HIVEP3: variants seen among roughly 807,000 people sequenced by gnomAD.
The protein encoded by HIVEP3 is transcription factor HIVEP3.
HIVEP3 carries 49 observed loss-of-function variants against 152.8 expected under a neutral mutation model. That is an observed-to-expected ratio of 0.32 (90% CI 0.26 to 0.41). The LOEUF (loss-of-function observed/expected upper bound fraction) is 0.41. Ranked by LOEUF, HIVEP3 falls within the 10% of genes least tolerant of loss-of-function variation. The pLI, the probability that HIVEP3 is intolerant of heterozygous loss-of-function variation, is 1.00. For synonymous variants in HIVEP3, 1,269 were observed against 1,289.0 expected, an observed-to-expected ratio of 0.98 and a Z score of 0.33; for missense variants, 2,790 against 3,103.3, an observed-to-expected ratio of 0.90 and a Z score of 2.40.
intron 1 of HIVEP3, among the ~76,000 whole-genome samples, chr1:41,868,478 C>A (rs1041669960): frequency 7.2e-5 from 11 of 152,200 alleles, no homozygotes; most frequent in Admixed American, 7.2e-4. Context: ...CCAGATGAAC[C>A]GATAAGACAC....
At chr1:41,563,830 C>G (rs1448589466) in intron 5 of HIVEP3, among the ~76,000 whole-genome samples, 1 of 152,044 alleles carries the variant, frequency 6.6e-6, no homozygotes, top group Non-Finnish European at 1.5e-5. Context: ...ACGTTAATAG[C>G]CTTAGAGAGA....
intron 1 of HIVEP3, among the ~76,000 whole-genome samples, chr1:42,000,340 T>C (rs1263552558): frequency 2.6e-5 from 4 of 152,198 alleles, no homozygotes; most frequent in Non-Finnish European, 5.9e-5. Flanking sequence ...GTAGCCCAGA[T>C]TGGACAAATT....
chr1:41,949,956 CTCAACAGGGTTTTCCTGT>C (rs1436618334), intron 1 of HIVEP3, among the ~76,000 whole-genome samples: 3 of 152,144 alleles, frequency 2.0e-5, no homozygotes. Flanking sequence ...CGGCCAACCT[CTCAACAGGGTTTTCCTGT>C]TGAGAGAGGG....
At chr1:41,711,885 G>C (rs1033502491) in intron 1 of HIVEP3, among the ~76,000 whole-genome samples, 1 of 152,346 alleles carries the variant, frequency 6.6e-6, no homozygotes, top group East Asian at 1.9e-4. Context: ...GCTCATAAAA[G>C]GGAAGGCAGG....
In HIVEP3 at chr1:41,844,573, C is replaced by T. The variant is rs550396161; in HGVS notation, c.-801+73840G>A. On this transcript the variant is annotated intron_variant, in intron 1 of 8. Coordinates refer to ENST00000372583, the MANE Select transcript of HIVEP3 (RefSeq NM_024503.5). ...GGACAGCCCTAGAGCCATTTAAGTA[C>T]ACCCCTTTCATTTTCTAAGTGGGGA... Among the ~76,000 whole-genome samples, 8 of 152,332 alleles carry T rather than the reference C, an allele frequency of 5.3e-5. No individual in the cohort carries two copies. The South Asian group carries it at 1.7e-3, about 32-fold the overall frequency.
In HIVEP3 at chr1:42,035,124, A is replaced by T. The variant is rs559218426; in HGVS notation, n.119+683T>A. Among the ~76,000 whole-genome samples the T allele has an allele frequency of 5.3e-5, 8 of 152,330 alleles. No individual in the cohort carries two copies. In the South Asian group the frequency reaches 1.7e-3, roughly 32 times the overall value. On this transcript the variant is annotated intron_variant and non_coding_transcript_variant, in intron 1 of 3. Coordinates refer to the HIVEP3 transcript ENST00000489103. Reference sequence around the variant, plus strand: ...CTCACCAATACAAAGTGTCAGGAAAATGCTAAGTAAATTTGTCCAACTGGT... The same window carrying T: ...CTCACCAATACAAAGTGTCAGGAAATTGCTAAGTAAATTTGTCCAACTGGT...
chr1:41,718,968 TTGA>T (rs1194741645), intron 1 of HIVEP3, among the ~76,000 whole-genome samples: 4 of 152,210 alleles, frequency 2.6e-5, no homozygotes, highest in Non-Finnish European at 5.9e-5. Context: ...GAAACTAGGC[TTGA>T]TGGACTAGGA....
intron 2 of HIVEP3, among the ~76,000 whole-genome samples, chr1:41,688,530 T>C (rs546104411): frequency 3.7e-4 from 56 of 152,240 alleles, no homozygotes; most frequent in Non-Finnish European, 6.6e-4. Flanking sequence ...CCAGGGAAGG[T>C]GGAATGAACA....
At chr1:41,915,943 G>A (rs1407299258) in intron 1 of HIVEP3, among the ~76,000 whole-genome samples, 1 of 152,182 alleles carries the variant, frequency 6.6e-6, no homozygotes, top group Non-Finnish European at 1.5e-5. Context: ...ATGGAGAACA[G>A]CATGTCAGGG....
At chr1:41,945,403 A>T (rs1306771979) in intron 1 of HIVEP3, among the ~76,000 whole-genome samples, 3 of 152,230 alleles carry the variant, frequency 2.0e-5, no homozygotes, top group African/African-American at 7.2e-5. Flanking sequence ...GTAAATTCTC[A>T]GATAACCCTG....
chr1:41,860,630 C>T (rs915153330), intron 1 of HIVEP3, among the ~76,000 whole-genome samples: 7 of 152,136 alleles, frequency 4.6e-5, no homozygotes, highest in African/African-American at 1.7e-4. Flanking sequence ...TATCTGACGC[C>T]CTCCTTTTGC....
intron 5 of HIVEP3, among the ~76,000 whole-genome samples, chr1:41,573,205 G>C (rs991333908): frequency 6.6e-6 from 1 of 152,228 alleles, no homozygotes; most frequent in Non-Finnish European, 1.5e-5. Flanking sequence ...GATTGCAGAG[G>C]AGTGTGCCCA....
At chr1:41,552,288 A>G (rs1473373463) in intron 5 of HIVEP3, among the ~76,000 whole-genome samples, 8 of 151,428 alleles carry the variant, frequency 5.3e-5, no homozygotes, top group Non-Finnish European at 8.9e-5. Context: ...ACATATGTAT[A>G]CATGTGCCAT....
At chr1:42,031,817 G>T (rs1328499742) in intron 1 of HIVEP3, among the ~76,000 whole-genome samples, 2 of 152,104 alleles carry the variant, frequency 1.3e-5, no homozygotes, top group Non-Finnish European at 2.9e-5. Context: ...TCCTAAGCCA[G>T]AAGTATATAA....
intron 3 of HIVEP3, among the ~76,000 whole-genome samples, chr1:41,589,594 G>T (rs1028722981): frequency 6.6e-6 from 1 of 152,242 alleles, no homozygotes. Context: ...CCAGAGGGCA[G>T]GTGGGAGATG....
At chr1:41,823,959 A>G (rs926668829) in intron 1 of HIVEP3, among the ~76,000 whole-genome samples, 1 of 152,214 alleles carries the variant, frequency 6.6e-6, no homozygotes, top group African/African-American at 2.4e-5. Context: ...GTTACTTGCT[A>G]TTTTAGAGTA....
chr1:41,711,355 C>T (rs1252667418), intron 1 of HIVEP3, among the ~76,000 whole-genome samples: 3 of 152,232 alleles, frequency 2.0e-5, no homozygotes, highest in Non-Finnish European at 4.4e-5. Context: ...CTCTCCAGCT[C>T]GCTCACTGGC....
intron 1 of HIVEP3, among the ~76,000 whole-genome samples, chr1:42,012,524 C>T (rs1435455238): frequency 2.0e-5 from 3 of 152,050 alleles, no homozygotes; most frequent in Non-Finnish European, 4.4e-5. Context: ...AACCTCATTT[C>T]TACTGAAATA....
At chr1:41,631,045 C>A (rs899427797) in intron 2 of HIVEP3, among the ~76,000 whole-genome samples, 5 of 152,292 alleles carry the variant, frequency 3.3e-5, no homozygotes, top group Non-Finnish European at 7.3e-5. Context: ...AACTGACTTG[C>A]CAGGCTGTTG....
Sources: gnomAD v4.1 joint callset for allele counts (sites outside exome capture counted in the v4.1 genomes callset) on GRCh38, gnomAD v4.1.1 for gene constraint, MANE v1.5 for transcripts, NCBI Gene and HGNC (gene_info 2026-07-23, HGNC 2026-07-21) for gene names.